Variants in ARHGAP26 observed in about 807,000 individuals in gnomAD.
The protein encoded by ARHGAP26 is Rho GTPase activating protein 26.
Under a neutral mutation model 104.8 loss-of-function variants are expected in ARHGAP26, and 38 were observed. The observed-to-expected ratio is 0.36, with a 90% CI of 0.28 to 0.48. The LOEUF is 0.48. ARHGAP26 is among the 20% of genes least tolerant of loss of function. The pLI, the probability that ARHGAP26 is intolerant of heterozygous loss-of-function variation, is 0.99. For synonymous variants in ARHGAP26, 341 were observed against 340.0 expected, an observed-to-expected ratio of 1.00 and a Z score of -0.03; for missense variants, 704 against 947.9, an observed-to-expected ratio of 0.74 and a Z score of 3.38.
At chr5:143,145,530 A>G (rs902979021) in intron 19 of ARHGAP26, among the ~76,000 whole-genome samples, 3 of 152,168 alleles carry the variant, frequency 2.0e-5, no homozygotes, top group African/African-American at 4.8e-5. Flanking sequence ...GGCACATCCA[A>G]TCTCTCAATG....
At chr5:143,093,722 T>C (rs1791835810) in intron 17 of ARHGAP26, among the ~76,000 whole-genome samples, 1 of 152,056 alleles carries the variant, frequency 6.6e-6, no homozygotes, top group Non-Finnish European at 1.5e-5. Context: ...CAACCACTTA[T>C]GCTACTGTTC....
chr5:142,854,568 T>C (rs575714710), intron 1 of ARHGAP26, among the ~76,000 whole-genome samples: 1 of 152,328 alleles, frequency 6.6e-6, no homozygotes, highest in African/African-American at 2.4e-5. Context: ...GACACTGTTA[T>C]AATATATGGC....
intron 1 of ARHGAP26, among the ~76,000 whole-genome samples, chr5:142,833,964 T>A (rs1769040041): frequency 6.6e-6 from 1 of 152,230 alleles, no homozygotes; most frequent in Non-Finnish European, 1.5e-5. Flanking sequence ...GTCATGCTTT[T>A]GGCAAGAAAG....
intron 17 of ARHGAP26, among the ~76,000 whole-genome samples, chr5:143,110,107 A>G (rs1385193584): frequency 6.6e-6 from 1 of 152,224 alleles, no homozygotes; most frequent in Admixed American, 6.5e-5. Flanking sequence ...GCTTGGCAAG[A>G]CATGCCTTCT....
intron 10 of ARHGAP26, among the ~76,000 whole-genome samples, chr5:142,917,478 G>T (rs1172811784): frequency 6.6e-6 from 1 of 152,162 alleles, no homozygotes; most frequent in Non-Finnish European, 1.5e-5. Context: ...GTTGCATTTG[G>T]CATTGTAAAC....
chr5:142,964,630 G>A (rs1003838462), intron 11 of ARHGAP26, among the ~76,000 whole-genome samples: 20 of 152,116 alleles, frequency 1.3e-4, no homozygotes, highest in Admixed American at 1.0e-3. Flanking sequence ...TTGGAGACAT[G>A]CCAATATCAA....
At chr5:142,801,250 C>T (rs1762022831) in intron 1 of ARHGAP26, among the ~76,000 whole-genome samples, 1 of 152,182 alleles carries the variant, frequency 6.6e-6, no homozygotes, top group Non-Finnish European at 1.5e-5. Flanking sequence ...AGTTCTCCCT[C>T]CTGTCATCTT....
Position 142,885,435 on chromosome 5 carries a change from C to A in ARHGAP26, c.486+36C>A. ...TTATTAGTATCCTGAATAAAGTGTT[C>A]AATTTGTACATGATGCTGTGGATAT... is the stretch of plus-strand genomic sequence containing the variant. On this transcript the variant is annotated intron_variant, in intron 5 of 22. Transcript: ENST00000645722. 2.6e-6 allele frequency: 4 copies of A among 1,544,320 alleles called. No homozygotes were observed. The South Asian group carries it at 3.4e-5, about 13-fold the overall frequency.
intron 21 of ARHGAP26, among the ~76,000 whole-genome samples, chr5:143,208,664 C>G (rs1460584645): frequency 1.3e-5 from 2 of 152,210 alleles, no homozygotes; most frequent in Admixed American, 6.5e-5. Flanking sequence ...ACTTCTCCCC[C>G]TCAGCTCAGC....
chr5:143,032,723 A>G (rs1254464199), intron 12 of ARHGAP26, among the ~76,000 whole-genome samples: 1 of 152,246 alleles, frequency 6.6e-6, no homozygotes. Flanking sequence ...TCCCTATCAC[A>G]TTATGGTACT....
chr5:143,207,619 C>A, intron 21 of ARHGAP26: 1 of 1,031,006 alleles, frequency 9.7e-7, no homozygotes, highest in Non-Finnish European at 1.4e-6. Context: ...TGGCATTTTT[C>A]ACACCCTTTT....
At chr5:143,035,678 G>A (rs1487847006) in intron 12 of ARHGAP26, among the ~76,000 whole-genome samples, 3 of 152,154 alleles carry the variant, frequency 2.0e-5, no homozygotes, top group African/African-American at 7.2e-5. Flanking sequence ...GCTCACGCCT[G>A]TAATCCCAGC....
chr5:143,017,761 G>T (rs1030338330), intron 12 of ARHGAP26, among the ~76,000 whole-genome samples: 3 of 152,092 alleles, frequency 2.0e-5, no homozygotes, highest in African/African-American at 7.2e-5. Flanking sequence ...ATCTGTTTTT[G>T]TAGAGATGTA....
chr5:143,094,445 C>T (rs1598984935), intron 17 of ARHGAP26, among the ~76,000 whole-genome samples: 1 of 152,192 alleles, frequency 6.6e-6, no homozygotes, highest in African/African-American at 2.4e-5. Context: ...GGGTGCACCT[C>T]CTCACGAAAG....
intron 11 of ARHGAP26, among the ~76,000 whole-genome samples, chr5:142,983,534 T>C (rs1023209760): frequency 3.9e-5 from 6 of 152,212 alleles, no homozygotes; most frequent in Non-Finnish European, 7.3e-5. Flanking sequence ...GTTTTCAAAA[T>C]GGTCTGAGAA....
At chr5:142,874,851 G>T in intron 2 of ARHGAP26, 1 of 439,780 alleles carries the variant, frequency 2.3e-6, no homozygotes, top group Non-Finnish European at 4.1e-6. Context: ...CACCAGTCCT[G>T]GATACTCTCA....
chr5:142,787,177 C>G (rs891532828), intron 1 of ARHGAP26, among the ~76,000 whole-genome samples: 2 of 152,158 alleles, frequency 1.3e-5, no homozygotes, highest in East Asian at 3.9e-4. Flanking sequence ...TGATGGGTAA[C>G]ATTTAGTGGC....
At chr5:142,819,539 A>G (rs773844737) in intron 1 of ARHGAP26, among the ~76,000 whole-genome samples, 6 of 152,244 alleles carry the variant, frequency 3.9e-5, no homozygotes, top group Admixed American at 6.5e-5. Context: ...AGCCTTCTGC[A>G]TCACAGGCCA....
chr5:143,225,922 C>T lies in ARHGAP26; in HGVS notation c.*3476C>T. On this transcript the variant is annotated 3_prime_UTR_variant, in exon 23 of 23. Transcript: ENST00000645722. ...ATATGAGCCAATGAGTAGGAAGGAA[C>T]TTGAAGACTAAAGATTTTACTCTCT... 4.5e-6 allele frequency: 1 copy of T among 221,608 alleles called. No homozygotes were observed. Among genetic ancestry groups the T allele is most frequent in the Non-Finnish European group, 9.1e-6 (1 of 110,470 alleles). 13.7% of individuals were successfully genotyped at this position (221,608 alleles called of 1,614,324 possible).
Sources: gnomAD v4.1 joint callset for allele counts (sites outside exome capture counted in the v4.1 genomes callset) on GRCh38, gnomAD v4.1.1 for gene constraint, MANE v1.5 for transcripts, NCBI Gene and HGNC (gene_info 2026-07-23, HGNC 2026-07-21) for gene names.